PDE3B: variants seen among roughly 807,000 people sequenced by gnomAD.
The protein encoded by PDE3B is phosphodiesterase 3B.
PDE3B carries 66 observed loss-of-function variants against 116.8 expected under a neutral mutation model. The observed-to-expected ratio is 0.56, with a 90% CI of 0.46 to 0.69. The LOEUF is 0.69. Among genes scored for constraint, PDE3B ranks in the 30% least tolerant of loss-of-function variants. The pLI, the probability that PDE3B is intolerant of heterozygous loss-of-function variation, is 0.00. For synonymous variants in PDE3B, 595 were observed against 533.6 expected (o/e 1.12, Z -1.59); for missense variants, 1,384 against 1,368.1 (o/e 1.01, Z -0.18).
At chr11:14,836,024 T>C (rs1011418401) in intron 11 of PDE3B, among the ~76,000 whole-genome samples, 10 of 152,214 alleles carry the variant, frequency 6.6e-5, no homozygotes, top group East Asian at 1.9e-4. Context: ...ACCACTGATA[T>C]TACTTTTTAC....
At position 14,871,359 on chromosome 11, in the gene PDE3B, CTGA is replaced by C. The variant is rs1168890074; in HGVS notation, c.*1701_*1703del. 6.6e-6 allele frequency: 1 copy of C among 152,074 alleles called. No homozygotes were observed. Among genetic ancestry groups the C allele is most frequent in the Admixed American group, 6.6e-5 (1 of 15,256 alleles). The allele number at this position is 152,074 out of a possible 1,614,324, so 9.4% of individuals were successfully genotyped here. On this transcript the variant is annotated 3_prime_UTR_variant, in exon 16 of 16. Coordinates refer to ENST00000282096, the MANE Select transcript of PDE3B (RefSeq NM_000922.4). ...CCACTTATTACTAATAAAATTTTGA[CTGA>C]TAATTTATATTTGCACTTACAATAT...
chr11:14,807,024 G>T (rs531382504), intron 5 of PDE3B, among the ~76,000 whole-genome samples: 13 of 152,094 alleles, frequency 8.5e-5, no homozygotes, highest in African/African-American at 2.7e-4. Context: ...ACTAAACACC[G>T]CATGTTCTCA....
Position 14,644,417 on chromosome 11 carries a change from G to T in PDE3B, c.342G>T (p.Val114=). The T allele has an allele frequency of 6.2e-7, 1 of 1,611,178 alleles. No individual in the cohort carries two copies. The highest frequency in any genetic ancestry group is 8.5e-7 in the Non-Finnish European group (1 of 1,178,992). ...GAAWLRTLLS[V]CSHSLSPLFS... is the part of the protein sequence containing the mutation. ...CCTGGCTGCGGACGCTGCTGAGCGTGTGTTCGCACAGCTTGAGCCCCCTCT... is the reference window on the plus strand; with the variant it reads ...CCTGGCTGCGGACGCTGCTGAGCGTTTGTTCGCACAGCTTGAGCCCCCTCT... The change falls in exon 1 of 16, where the codon GTG becomes GTT. Residue 114 remains valine (V), a synonymous_variant. Coordinates refer to ENST00000282096, the MANE Select transcript of PDE3B (RefSeq NM_000922.4).
At chr11:14,815,028 T>C (rs1322885465) in intron 5 of PDE3B, among the ~76,000 whole-genome samples, 2 of 150,070 alleles carry the variant, frequency 1.3e-5, no homozygotes, top group African/African-American at 4.9e-5. Context: ...TCCCAGCTAT[T>C]TGGGAGGCTG....
intron 12 of PDE3B, among the ~76,000 whole-genome samples, chr11:14,845,756 G>A (rs1040650408): frequency 3.3e-5 from 5 of 152,246 alleles, no homozygotes; most frequent in South Asian, 2.1e-4. Flanking sequence ...AAGATGAAAC[G>A]AATGAAATGA....
At chr11:14,811,729 G>T (rs994905175) in intron 5 of PDE3B, among the ~76,000 whole-genome samples, 3 of 151,916 alleles carry the variant, frequency 2.0e-5, no homozygotes, top group African/African-American at 4.8e-5. Context: ...AATTACCTTG[G>T]GCAGTATGGC....
rs1424036742 is a variant in PDE3B, at chr11:14,850,217, T to C, written c.2520+6191T>C. ...CATGGATGAAATTGGAAATCATCAT[T>C]CTCAGTAAACTATCGCAAGAACAAA... is the stretch of plus-strand genomic sequence containing the variant. On this transcript the variant is annotated intron_variant, in intron 12 of 15. Coordinates refer to ENST00000282096, the MANE Select transcript of PDE3B (RefSeq NM_000922.4). Among the ~76,000 whole-genome samples the C allele has an allele frequency of 5.9e-5, 9 of 152,184 alleles. No individual in the cohort carries two copies. The East Asian group carries it at 1.7e-3, about 29-fold the overall frequency.
intron 1 of PDE3B, among the ~76,000 whole-genome samples, chr11:14,707,568 AAAAT>A (rs1317693895): frequency 6.6e-6 from 1 of 152,022 alleles, no homozygotes; most frequent in Non-Finnish European, 1.5e-5. Context: ...GAAGTATAAT[AAAAT>A]AAATAATCAT....
rs1860086468 is a variant in PDE3B, at chr11:14,837,312, T to C, written c.2320+2217T>C. ...GATAGGCTGAGAATTTCCTGAATTA[T>C]CAAGTCCTTATTCCTCTTTGCTTAC... is the stretch of plus-strand genomic sequence containing the variant. On this transcript the variant is annotated intron_variant, in intron 11 of 15. Transcript: ENST00000282096. Among the ~76,000 whole-genome samples, 3 of 152,358 alleles carry C rather than the reference T, an allele frequency of 2.0e-5. No homozygotes were observed. In the South Asian group the frequency reaches 6.2e-4, roughly 32 times the overall value.
At position 14,869,647 on chromosome 11, in the gene PDE3B, AT is replaced by A. The variant is rs782037493; in HGVS notation, c.3327del (p.Asp1109GlufsTer30). On this transcript the variant is annotated frameshift_variant, in exon 16 of 16. Transcript: ENST00000282096. LOFTEE classifies it high-confidence loss of function. ...GAGATTCAGGTAATTGAAGAGGCAG[AT>A]GAAGAGGAATAGCGACAGTTTGAGT... ...ADEIQVIEEADEEE is the reference protein window; with the variant it reads ...ADEIQVIEEAXEEE 1.2e-6 allele frequency: 2 copies of A among 1,613,578 alleles called. No homozygotes were observed. Among genetic ancestry groups the A allele is most frequent in the Admixed American group, 3.3e-5 (2 of 59,984 alleles).
Position 14,830,751 on chromosome 11 carries a change from C to A in PDE3B, c.1861C>A (p.Gln621Lys). The A allele has an allele frequency of 1.3e-6, 2 of 1,510,800 alleles. No homozygotes were observed. Among genetic ancestry groups the A allele is most frequent in the South Asian group, 1.3e-5 (1 of 74,172 alleles). The allele number at this position is 1,510,800 out of a possible 1,614,324, so 93.6% of individuals were successfully genotyped here. ...KESFKLMETQ[Q>K]EEETEKKDSR... Reference sequence around the variant, plus strand: ...ATCATTCAAACTTATGGAAACTCAACAAGAAGAGGAAACAGAGAAGAAAGA... The same window carrying A: ...ATCATTCAAACTTATGGAAACTCAAAAAGAAGAGGAAACAGAGAAGAAAGA... Residue 621 changes from glutamine (Q) to lysine (K), a missense_variant, in exon 8 of 16, where the codon CAA (glutamine) becomes AAA (lysine). Physicochemically the swap from Gln to Lys is moderately conservative, Grantham distance 53. Transcript: ENST00000282096.
chr11:14,734,578 TTTC>T (rs879816206), intron 1 of PDE3B, among the ~76,000 whole-genome samples: 6 of 152,202 alleles, frequency 3.9e-5, no homozygotes, highest in Admixed American at 6.5e-5. Context: ...TTACATACTT[TTTC>T]TTCTTATATT....
At chr11:14,815,087 A>T (rs1859280843) in intron 5 of PDE3B, among the ~76,000 whole-genome samples, 1 of 151,776 alleles carries the variant, frequency 6.6e-6, no homozygotes, top group African/African-American at 2.4e-5. Context: ...CAGTGAGCCC[A>T]GAGTGCACCA....
At chr11:14,706,969 C>T (rs982507164) in intron 1 of PDE3B, among the ~76,000 whole-genome samples, 12 of 151,640 alleles carry the variant, frequency 7.9e-5, no homozygotes, top group Non-Finnish European at 1.8e-4. Flanking sequence ...TGGTATGTAC[C>T]AGGTGCTGGG....
chr11:14,841,191 C>T (rs1397245993), intron 11 of PDE3B, among the ~76,000 whole-genome samples: 3 of 151,700 alleles, frequency 2.0e-5, no homozygotes, highest in Non-Finnish European at 2.9e-5. Context: ...GGAATTCCAC[C>T]AGTAGACAGC....
At chr11:14,709,515 A>T (rs1463130525) in intron 1 of PDE3B, among the ~76,000 whole-genome samples, 2 of 152,170 alleles carry the variant, frequency 1.3e-5, no homozygotes, top group East Asian at 3.9e-4. Context: ...TTCTTCTGCC[A>T]GTAACCTGGG....
intron 1 of PDE3B, among the ~76,000 whole-genome samples, chr11:14,692,341 T>C (rs1419268614): frequency 2.0e-5 from 3 of 152,116 alleles, no homozygotes; most frequent in Non-Finnish European, 4.4e-5. Context: ...AAATAAGATT[T>C]TGTATGACTG....
chr11:14,732,398 G>C (rs1041225732), intron 1 of PDE3B, among the ~76,000 whole-genome samples: 20 of 152,172 alleles, frequency 1.3e-4, no homozygotes, highest in African/African-American at 4.8e-4. Flanking sequence ...AGCAACTATA[G>C]TTTAATGAGG....
intron 4 of PDE3B, among the ~76,000 whole-genome samples, chr11:14,800,278 A>G (rs568072044): frequency 6.6e-6 from 1 of 152,300 alleles, no homozygotes; most frequent in Admixed American, 6.5e-5. Context: ...CAGCCTGACC[A>G]ACGTGGTGAA....
Sources: gnomAD v4.1 joint callset for allele counts (sites outside exome capture counted in the v4.1 genomes callset) on GRCh38, gnomAD v4.1.1 for gene constraint, MANE v1.5 for transcripts, NCBI Gene and HGNC (gene_info 2026-07-23, HGNC 2026-07-21) for gene names.